EIF5B: variants seen among roughly 807,000 people sequenced by gnomAD.
The protein encoded by EIF5B is eukaryotic translation initiation factor 5B.
In EIF5B, 47 loss-of-function variants were observed where a neutral mutation model predicts 147.5. The ratio of observed to expected loss-of-function variants is 0.32; its 90% confidence interval spans 0.25 to 0.41. The LOEUF is 0.41. EIF5B is among the 10% of genes least tolerant of loss of function. The pLI is 1.00. For synonymous variants in EIF5B, 455 were observed against 456.2 expected (o/e 1.00, Z 0.03); for missense variants, 1,064 against 1,413.2 (o/e 0.75, Z 3.96).
At chr2:99,356,347 A>C (rs191302869) in intron 1 of EIF5B, among the ~76,000 whole-genome samples, 3 of 152,256 alleles carry the variant, frequency 2.0e-5, no homozygotes, top group Admixed American at 2.0e-4. Context: ...CTCATAGTTT[A>C]GGAGTGGAAA....
intron 1 of EIF5B, chr2:99,338,279 T>C (rs935618936): frequency 1.1e-5 from 14 of 1,277,938 alleles, no homozygotes; most frequent in Non-Finnish European, 1.3e-5. Context: ...CTGCAATGCT[T>C]TGGGGAGGGA....
chr2:99,363,766 T>C lies in EIF5B; in HGVS notation c.1041T>C (p.Ala347=), dbSNP rs771320014. Residue 347 remains alanine (A), a synonymous_variant, in exon 5 of 24, where the codon GCT becomes GCC. Transcript: ENST00000289371. The part of the protein sequence containing the change: ...SKATVKAMQE[A]LAKLKEEEER... ...CCACTGTTAAAGCTATGCAAGAAGC[T>C]CTGGCTAAGCTTAAAGAGGAAGAAG... 1.2e-6 allele frequency: 2 copies of C among 1,613,832 alleles called. No homozygotes were observed. The highest frequency in any genetic ancestry group is 1.7e-6 in the Non-Finnish European group (2 of 1,179,952).
At chr2:99,398,571 T>C in intron 22 of EIF5B, 177 bp from the exon 23 acceptor site, 3 of 590,154 alleles carry the variant, frequency 5.1e-6, no homozygotes, top group Middle Eastern at 4.8e-4. Context: ...GGGAATAGGG[T>C]GTTGGTGGTG....
Position 99,401,253 on chromosome 2 carries a change from T to C in EIF5B, c.*1839T>C. On this transcript the variant is annotated 3_prime_UTR_variant, in exon 24 of 24. Coordinates refer to ENST00000289371, the MANE Select transcript of EIF5B (RefSeq NM_015904.4). The stretch of plus-strand genomic sequence containing the variant: ...TCTCTGGTAATATTTATGTAACTTT[T>C]AATGTGCTTCCATAAGTTTGTTGTA... 6.2e-7 allele frequency: 1 copy of C among 1,604,378 alleles called. No individual in the cohort carries two copies. Among genetic ancestry groups the C allele is most frequent in the Non-Finnish European group, 8.5e-7 (1 of 1,171,180 alleles).
chr2:99,379,290 C>T, intron 11 of EIF5B, 28 bp from the exon 12 acceptor site: 1 of 1,566,928 alleles, frequency 6.4e-7, no homozygotes, highest in Non-Finnish European at 8.7e-7. Context: ...TGTTCAAATA[C>T]CAATCTGTAT....
intron 17 of EIF5B, among the ~76,000 whole-genome samples, chr2:99,391,891 C>CT (rs1674945166): frequency 6.6e-6 from 1 of 151,786 alleles, no homozygotes; most frequent in African/African-American, 2.4e-5. Context: ...ACCACCACAC[C>CT]TGGCTAATTT....
At position 99,396,764 on chromosome 2, in the gene EIF5B, A is replaced by G. The variant is rs1270582485; in HGVS notation, c.3259A>G (p.Ile1087Val). The G allele has an allele frequency of 6.2e-7, 1 of 1,602,428 alleles. No individual in the cohort carries two copies. Among genetic ancestry groups the G allele is most frequent in the African/African-American group, 1.4e-5 (1 of 73,900 alleles). The change falls in exon 22 of 24, where the codon ATA becomes GTA. Residue 1087 changes from isoleucine to valine, a missense_variant. Transcript: ENST00000289371. ...KKQKQEEFKH[I>V]AVFPCKIKIL... ...TCTTTTCTTTTTTCCTTTCAGGCAC[A>G]TAGCAGTATTTCCCTGCAAGATAAA... is the stretch of plus-strand genomic sequence containing the variant.
intron 9 of EIF5B, among the ~76,000 whole-genome samples, chr2:99,374,944 G>A (rs547825877): frequency 9.9e-5 from 15 of 151,662 alleles, no homozygotes; most frequent in Non-Finnish European, 2.2e-4. Context: ...TGCTTCTCTT[G>A]ACTGTCTTCT....
chr2:99,355,901 C>T (rs1410175226), intron 1 of EIF5B, among the ~76,000 whole-genome samples: 2 of 152,130 alleles, frequency 1.3e-5, no homozygotes. Flanking sequence ...GCGTGAGGCA[C>T]TGCACCCGGC....
chr2:99,383,510 T>G (rs1391416549), intron 14 of EIF5B, among the ~76,000 whole-genome samples: 1 of 152,192 alleles, frequency 6.6e-6, no homozygotes, highest in East Asian at 1.9e-4. Flanking sequence ...CAACACTCCC[T>G]TAAGCCAAAG....
At position 99,376,438 on chromosome 2, in the gene EIF5B, A is replaced by G; in HGVS notation, c.1644A>G (p.Glu548=). ...AGGAAGAAGAAGATGAAGAAAGTGA[A>G]GAAGAGGAGGAAGAGGAGGGAGAAA... is the stretch of plus-strand genomic sequence containing the variant. ...EEEEEEDEES[E]EEEEEEGESE... The change falls in exon 10 of 24, where the codon GAA becomes GAG. Residue 548 remains glutamate, a synonymous_variant. Coordinates refer to ENST00000289371, the MANE Select transcript of EIF5B (RefSeq NM_015904.4). 6.3e-7 allele frequency: 1 copy of G among 1,587,852 alleles called. No individual in the cohort carries two copies. The highest frequency in any genetic ancestry group is 1.1e-5 in the South Asian group (1 of 90,104).
Position 99,399,560 on chromosome 2 carries a change from T to C in EIF5B, c.*146T>C. 1 of 692,426 alleles carries C rather than the reference T, an allele frequency of 1.4e-6. No individual in the cohort carries two copies. 42.9% of individuals were successfully genotyped at this position (692,426 alleles called of 1,614,324 possible). ...AGAAAAATAGGTGTATAAAATGTTT[T>C]CCATGAGAAACCAAGAAACTTACAC... On this transcript the variant is annotated 3_prime_UTR_variant, in exon 24 of 24. Coordinates refer to ENST00000289371, the MANE Select transcript of EIF5B (RefSeq NM_015904.4).
In EIF5B at chr2:99,353,824, C is replaced by A. The variant is rs531120645; in HGVS notation, c.36-6412C>A. Among the ~76,000 whole-genome samples, 153 of 152,296 alleles carry A rather than the reference C, an allele frequency of 1.0e-3. 3 individuals are homozygous for A. In the South Asian group the frequency reaches 0.021, roughly 21 times the overall value. ...GCTTCTTTCTACTCAGCCTAATTCT[C>A]TTGGGATCTATCGAAGTTGTTGCAT... On this transcript the variant is annotated intron_variant, in intron 1 of 23. Transcript: ENST00000289371.
intron 1 of EIF5B, among the ~76,000 whole-genome samples, chr2:99,354,731 T>TA (rs2105340939): frequency 6.6e-6 from 1 of 152,146 alleles, no homozygotes; most frequent in South Asian, 2.1e-4. Flanking sequence ...CCATTTGCTG[T>TA]AGCACTGTTT....
chr2:99,356,661 GTTTGT>G (rs1261178619), intron 1 of EIF5B, among the ~76,000 whole-genome samples: 1 of 152,080 alleles, frequency 6.6e-6, no homozygotes, highest in African/African-American at 2.4e-5. Context: ...TTGTTTGTGT[GTTTGT>G]TTTTTGTTTT....
chr2:99,384,614 G>A (rs1584648), intron 14 of EIF5B, among the ~76,000 whole-genome samples: 66,493 of 152,098 alleles, frequency 0.44, 14,818 homozygotes, highest in Admixed American at 0.57. Flanking sequence ...TATGAAGAAC[G>A]TTCATGATCC....
intron 1 of EIF5B, among the ~76,000 whole-genome samples, chr2:99,343,028 T>A (rs557427351): frequency 1.3e-5 from 2 of 151,358 alleles, no homozygotes; most frequent in South Asian, 4.2e-4. Flanking sequence ...TGGCGTGATA[T>A]TGGCTCACTG....
At chr2:99,347,012 T>C (rs987252151) in intron 1 of EIF5B, among the ~76,000 whole-genome samples, 2 of 152,120 alleles carry the variant, frequency 1.3e-5, no homozygotes, top group African/African-American at 4.8e-5. Context: ...TTTATTATTA[T>C]TTTATTTTAT....
intron 9 of EIF5B, among the ~76,000 whole-genome samples, chr2:99,374,761 C>G (rs1199184495): frequency 6.6e-6 from 1 of 152,088 alleles, no homozygotes; most frequent in Non-Finnish European, 1.5e-5. Flanking sequence ...ATATATTCTA[C>G]TTGTAGAGCT....
Sources: gnomAD v4.1 joint callset for allele counts (sites outside exome capture counted in the v4.1 genomes callset) on GRCh38, gnomAD v4.1.1 for gene constraint, MANE v1.5 for transcripts, NCBI Gene and HGNC (gene_info 2026-07-23, HGNC 2026-07-21) for gene names.